Variants in NCOR2 observed in about 807,000 individuals in gnomAD.
The protein encoded by NCOR2 is nuclear receptor corepressor 2.
In NCOR2, 81 loss-of-function variants were observed where a neutral mutation model predicts 262.9. The ratio of observed to expected loss-of-function variants is 0.31; its 90% CI spans 0.26 to 0.37. NCOR2 has a LOEUF of 0.37. NCOR2 is among the 10% of genes least tolerant of loss of function. The pLI, the probability that NCOR2 is intolerant of heterozygous loss-of-function variation, is 1.00. For synonymous variants in NCOR2, 1,659 were observed against 1,559.3 expected (o/e 1.06, Z -1.51); for missense variants, 3,385 against 3,621.4 (o/e 0.93, Z 1.68).
intron 1 of NCOR2, among the ~76,000 whole-genome samples, chr12:124,532,060 C>CCCTGGGG (rs1303509331): frequency 2.6e-5 from 4 of 152,176 alleles, no homozygotes; most frequent in African/African-American, 9.7e-5. Context: ...GGGGATGCCA[C>CCCTGGGG]ATCGCCTCCC....
At chr12:124,359,831 AG>A (rs1345207767) in intron 22 of NCOR2, among the ~76,000 whole-genome samples, 1 of 152,238 alleles carries the variant, frequency 6.6e-6, no homozygotes, top group East Asian at 1.9e-4. Context: ...TGTGGGAGCC[AG>A]GGGCAGAATA....
At chr12:124,458,970 G>A (rs1699206849) in intron 5 of NCOR2, among the ~76,000 whole-genome samples, 1 of 152,162 alleles carries the variant, frequency 6.6e-6, no homozygotes, top group Non-Finnish European at 1.5e-5. Context: ...CCCAAACACT[G>A]GGACCTGGGG....
chr12:124,411,878 G>A (rs964668907), intron 13 of NCOR2, among the ~76,000 whole-genome samples: 4 of 152,186 alleles, frequency 2.6e-5, no homozygotes, highest in Admixed American at 6.5e-5. Context: ...GTGGGGGCTC[G>A]GCCCTCCCTT....
intron 16 of NCOR2, among the ~76,000 whole-genome samples, chr12:124,395,044 C>T (rs1223553608): frequency 6.6e-6 from 1 of 152,132 alleles, no homozygotes. Flanking sequence ...GGCTGGGGTC[C>T]GAAGGCCCTG....
At chr12:124,505,611 C>T (rs1266224807) in intron 1 of NCOR2, among the ~76,000 whole-genome samples, 2 of 152,206 alleles carry the variant, frequency 1.3e-5, no homozygotes, top group Non-Finnish European at 2.9e-5. Flanking sequence ...ACTTCCACAG[C>T]TGTGTGACCT....
intron 13 of NCOR2, among the ~76,000 whole-genome samples, chr12:124,418,692 CA>C (rs147592681): frequency 0.077 from 11,674 of 152,210 alleles, 824 homozygotes; most frequent in African/African-American, 0.18. Context: ...CAGGTCCACA[CA>C]AAGGTTTGTC....
intron 17 of NCOR2, among the ~76,000 whole-genome samples, chr12:124,382,980 A>G (rs1267957931): frequency 2.0e-5 from 3 of 152,216 alleles, no homozygotes; most frequent in Admixed American, 2.0e-4. Context: ...GTACAAAGCC[A>G]CCAGCTCCAA....
intron 7 of NCOR2, among the ~76,000 whole-genome samples, chr12:124,448,505 G>A (rs1347459029): frequency 6.6e-6 from 1 of 152,230 alleles, no homozygotes; most frequent in East Asian, 1.9e-4. Context: ...GACACACTCT[G>A]CAGCCCCTGC....
intron 39 of NCOR2, 101 bp downstream of exon 41, chr12:124,335,382 C>A: frequency 6.6e-7 from 1 of 1,509,914 alleles, no homozygotes; most frequent in Non-Finnish European, 8.8e-7. Flanking sequence ...CCAGCCAATT[C>A]CTTGGCCTTT....
intron 13 of NCOR2, among the ~76,000 whole-genome samples, chr12:124,414,218 GAACCC>G (rs2042741476): frequency 6.6e-6 from 1 of 152,232 alleles, no homozygotes. Flanking sequence ...TGCCAGGCTA[GAACCC>G]TCAGTCTGCC....
intron 28 of NCOR2, among the ~76,000 whole-genome samples, chr12:124,350,324 G>T (rs1457292797): frequency 6.6e-6 from 1 of 152,186 alleles, no homozygotes; most frequent in Non-Finnish European, 1.5e-5. Context: ...CTTCTGTTCC[G>T]GGCCTCAGTT....
At chr12:124,509,235 T>TGGGGGGGGG (rs1555234131) in intron 1 of NCOR2, among the ~76,000 whole-genome samples, 3 of 55,084 alleles carry the variant, frequency 5.4e-5, no homozygotes, top group African/African-American at 2.2e-4. Flanking sequence ...CTGGCTTTGG[T>TGGGGGGGGG]GGGGGGGGGG....
At chr12:124,333,098 C>T (rs1364937109) in intron 42 of NCOR2, 32 bp downstream of exon 44, 5 of 1,568,322 alleles carry the variant, frequency 3.2e-6, no homozygotes, top group East Asian at 4.5e-5. Context: ...ACCAGAGCAT[C>T]CCGGGGGCAG....
At chr12:124,348,427 C>T in intron 28 of NCOR2, 113 bp from the exon 31 acceptor site, 2 of 1,392,930 alleles carry the variant, frequency 1.4e-6, no homozygotes, top group East Asian at 4.8e-5. Flanking sequence ...TCCATGCTGG[C>T]CCCGTCACAA....
intron 20 of NCOR2, among the ~76,000 whole-genome samples, chr12:124,370,661 G>A (rs1327416992): frequency 6.6e-6 from 1 of 152,238 alleles, no homozygotes; most frequent in Non-Finnish European, 1.5e-5. Context: ...CCTAACTTGG[G>A]TAGCCATCTT....
chr12:124,444,208 G>T (rs546842325), intron 7 of NCOR2, among the ~76,000 whole-genome samples: 7 of 152,108 alleles, frequency 4.6e-5, no homozygotes, highest in Non-Finnish European at 1.5e-5. Context: ...GCTTCTGTCC[G>T]GCAAGCATAA....
Position 124,495,119 on chromosome 12 carries a change from C to A in NCOR2, c.105+28G>T, listed in dbSNP as rs533824903. On this transcript the variant is annotated intron_variant, in intron 1 of 46. Coordinates refer to ENST00000405201, the Ensembl canonical transcript of NCOR2. This position sits in a 1 kb window ranked among gnomAD's most constrained non-coding sequence, Gnocchi z 4.4. ...TGGAAGAAGGGTCTCAAAGGTAGCC[C>A]CAGGCGCACACATGTGCACCCCCTT... The A allele has an allele frequency of 1.2e-5, 19 of 1,610,758 alleles. No homozygotes were observed. Among genetic ancestry groups the A allele is most frequent in the Middle Eastern group, 3.3e-4 (2 of 6,060 alleles).
intron 12 of NCOR2, among the ~76,000 whole-genome samples, chr12:124,421,257 C>A (rs988423040): frequency 1.3e-5 from 2 of 152,248 alleles, no homozygotes; most frequent in Admixed American, 6.5e-5. Context: ...TCTACTGAAG[C>A]CTTGTCCTGG....
chr12:124,528,059 C>A (rs1243025), intron 1 of NCOR2, among the ~76,000 whole-genome samples: 1 of 152,132 alleles, frequency 6.6e-6, no homozygotes, highest in Admixed American at 6.6e-5. Flanking sequence ...GGTTTCACTG[C>A]GGAACAGACG....
Sources: gnomAD v4.1 joint callset for allele counts (sites outside exome capture counted in the v4.1 genomes callset) on GRCh38, gnomAD v4.1.1 for gene constraint, Gnocchi (gnomAD v3.1) non-coding constraint, MANE v1.5 for transcripts, NCBI Gene and HGNC (gene_info 2026-07-23, HGNC 2026-07-21) for gene names.